The following SERHL2 variants were observed in gnomAD, a reference collection of about 807,000 sequenced individuals.
SERHL2 encodes the protein serine hydrolase-like protein 2.
Under a neutral mutation model 25.5 loss-of-function variants are expected in SERHL2, and 29 were observed. That is an observed-to-expected ratio of 1.14 (90% CI 0.85 to 1.55). The LOEUF is 1.55. SERHL2 is among the 40% of genes most tolerant of loss of function. The pLI, the probability that SERHL2 is intolerant of heterozygous loss-of-function variation, is 0.00. For synonymous variants in SERHL2, 95 were observed against 103.5 expected (o/e 0.92, Z 0.50); for missense variants, 240 against 252.3 (o/e 0.95, Z 0.33).
intron 10 of SERHL2, chr22:42,571,760 C>T (rs1924229678): frequency 6.3e-6 from 1 of 157,944 alleles, no homozygotes; most frequent in South Asian, 1.9e-4. Context: ...AGAAACGAAG[C>T]ACTGACACGG....
chr22:42,570,684 A>C (rs1460171921), intron 9 of SERHL2, among the ~76,000 whole-genome samples: 3 of 152,150 alleles, frequency 2.0e-5, no homozygotes, highest in Admixed American at 1.3e-4. Flanking sequence ...TGGTCCCAGC[A>C]AGTTTCTTCC....
intron 7 of SERHL2, 94 bp from the exon 8 acceptor site, chr22:42,560,092 A>C: frequency 1.1e-6 from 1 of 915,160 alleles, no homozygotes; most frequent in Non-Finnish European, 1.8e-6. Context: ...GATTACAGGC[A>C]TGAGCCACCG....
At chr22:42,571,610 G>A in intron 10 of SERHL2, 1 of 344,900 alleles carries the variant, frequency 2.9e-6, no homozygotes, top group Non-Finnish European at 4.3e-6. Context: ...ATTTTTAGTA[G>A]AGACGAGGTT....
chr22:42,572,298 A>C (rs894725553), intron 10 of SERHL2, 138 bp from the exon 11 acceptor site: 15 of 604,378 alleles, frequency 2.5e-5, no homozygotes, highest in Middle Eastern at 4.4e-4. Flanking sequence ...ACCCAGGGTC[A>C]AGGGACCCAG....
chr22:42,567,595 C>T (rs1923571702), intron 9 of SERHL2, among the ~76,000 whole-genome samples: 1 of 151,404 alleles, frequency 6.6e-6, no homozygotes, highest in East Asian at 2.0e-4. Flanking sequence ...ACCCGGGAAG[C>T]AGAGCTTGCA....
chr22:42,572,749 A>G lies in SERHL2; in HGVS notation c.825+220A>G, dbSNP rs747812011. 130 of 983,476 alleles carry G rather than the reference A, an allele frequency of 1.3e-4. 1 individual carries two copies. The highest frequency in any genetic ancestry group is 1.5e-4 in the Non-Finnish European group (127 of 828,528). The allele number at this position is 983,476 out of a possible 1,614,324, so 60.9% of individuals were successfully genotyped here. On this transcript the variant is annotated intron_variant, in intron 11 of 11. Transcript: ENST00000327678. Reference sequence around the variant, plus strand: ...AGGAAACAGAGACCTTTGGTGGGGAACCCCTGCCAGGTTCAAGCTACTCTC... The same window carrying G: ...AGGAAACAGAGACCTTTGGTGGGGAGCCCCTGCCAGGTTCAAGCTACTCTC...
At chr22:42,566,193 G>C in intron 8 of SERHL2, 111 bp from the exon 9 acceptor site, 1 of 1,081,918 alleles carries the variant, frequency 9.2e-7, no homozygotes, top group Middle Eastern at 2.1e-4. Flanking sequence ...GGGCAGGTGG[G>C]AGAAATGGGC....
chr22:42,562,072 G>C (rs983494575), intron 8 of SERHL2, among the ~76,000 whole-genome samples: 15 of 151,846 alleles, frequency 9.9e-5, no homozygotes, highest in African/African-American at 3.6e-4. Context: ...GTGAACCCTG[G>C]GTCTGGGGGA....
chr22:42,563,306 C>T (rs776809059), intron 8 of SERHL2: 42 of 252,624 alleles, frequency 1.7e-4, no homozygotes, highest in Admixed American at 6.7e-4. Flanking sequence ...TGGGCTCAGG[C>T]GATCCTCCTA....
At chr22:42,562,053 G>A (rs920495150) in intron 8 of SERHL2, among the ~76,000 whole-genome samples, 3 of 151,782 alleles carry the variant, frequency 2.0e-5, no homozygotes, top group African/African-American at 4.8e-5. Context: ...AGGGAGGGCT[G>A]AGAAAGAGGT....
intron 8 of SERHL2, among the ~76,000 whole-genome samples, chr22:42,565,500 AT>A (rs1228416463): frequency 6.6e-6 from 1 of 151,614 alleles, no homozygotes; most frequent in African/African-American, 2.4e-5. Context: ...TAATTTTTGT[AT>A]TTTTAGTAGA....
rs563222174 is a variant in SERHL2 at position 42,565,957 on chromosome 22, T to C, written c.614-347T>C. Among the ~76,000 whole-genome samples, 19 of 152,168 alleles carry C rather than the reference T, an allele frequency of 1.2e-4. 1 individual carries two copies. The East Asian group carries it at 1.3e-3, about 11-fold the overall frequency. ...CAACCAGTGACACCATTGGTACTTATTTGCTTCTTCCTAGTGACTAAAGGA... is the reference window on the plus strand; with the variant it reads ...CAACCAGTGACACCATTGGTACTTACTTGCTTCTTCCTAGTGACTAAAGGA... On this transcript the variant is annotated intron_variant, in intron 8 of 11. Transcript: ENST00000327678.
At chr22:42,564,694 G>C (rs897941799) in intron 8 of SERHL2, among the ~76,000 whole-genome samples, 1 of 152,094 alleles carries the variant, frequency 6.6e-6, no homozygotes, top group South Asian at 2.1e-4. Flanking sequence ...GCCTCCCAAA[G>C]TATTGGGATT....
intron 9 of SERHL2, among the ~76,000 whole-genome samples, chr22:42,567,520 C>A (rs1045090777): frequency 1.3e-5 from 2 of 151,056 alleles, no homozygotes; most frequent in Non-Finnish European, 3.0e-5. Flanking sequence ...AAAAATTAGC[C>A]GGGCGCGGTG....
chr22:42,560,316 C>T (rs766780876), intron 8 of SERHL2, 51 bp downstream of exon 8: 30 of 1,395,706 alleles, frequency 2.1e-5, no homozygotes, highest in Non-Finnish European at 2.8e-5. Context: ...CTATTCTTAC[C>T]GAGGATGTCA....
chr22:42,564,214 A>G (rs1451686526), intron 8 of SERHL2, among the ~76,000 whole-genome samples: 1 of 151,722 alleles, frequency 6.6e-6, no homozygotes, highest in Non-Finnish European at 1.5e-5. Context: ...ATCCTTATCT[A>G]GTATACAAAG....
intron 8 of SERHL2, among the ~76,000 whole-genome samples, chr22:42,564,297 A>G (rs934658364): frequency 2.0e-5 from 3 of 151,578 alleles, no homozygotes; most frequent in South Asian, 4.2e-4. Context: ...AGACAAGTCT[A>G]TCTTTACCCT....
chr22:42,571,964 G>T (rs1924280657), intron 10 of SERHL2: 1 of 145,412 alleles, frequency 6.9e-6, no homozygotes, highest in African/African-American at 2.5e-5. Flanking sequence ...GGTGGGGTGT[G>T]TGTGTGTCCG....
chr22:42,560,332 T>C (rs1922532905), intron 8 of SERHL2, 67 bp downstream of exon 8: 1 of 1,248,330 alleles, frequency 8.0e-7, no homozygotes, highest in East Asian at 2.3e-5. Context: ...TGTCAAGGAC[T>C]TGCCTTAGAC....
Sources: gnomAD v4.1 joint callset for allele counts (sites outside exome capture counted in the v4.1 genomes callset) on GRCh38, gnomAD v4.1.1 for gene constraint, MANE v1.5 for transcripts, NCBI Gene and HGNC (gene_info 2026-07-23, HGNC 2026-07-21) for gene names.